HS3ST3A1: variants seen among roughly 807,000 people sequenced by gnomAD.
HS3ST3A1 encodes the protein heparan sulfate-glucosamine 3-sulfotransferase 3A1, also known as heparan sulfate glucosamine 3-O-sulfotransferase 3A1.
HS3ST3A1 carries 19 observed loss-of-function variants against 25.7 expected under a neutral mutation model. The ratio of observed to expected loss-of-function variants is 0.74; its 90% CI spans 0.52 to 1.08. The LOEUF (loss-of-function observed/expected upper bound fraction) is 1.08. HS3ST3A1 is among the 50% of genes least tolerant of loss of function. The probability of loss-of-function intolerance (pLI) is 0.00; values close to 1 mark genes in which losing one functional copy is unlikely to be tolerated. For synonymous variants in HS3ST3A1, 226 were observed against 278.6 expected (o/e 0.81, Z 1.88); for missense variants, 459 against 594.3 (o/e 0.77, Z 2.37).
At chr17:13,513,136 T>G (rs377716598) in intron 1 of HS3ST3A1, among the ~76,000 whole-genome samples, 2 of 152,100 alleles carry the variant, frequency 1.3e-5, no homozygotes. Context: ...AGCTAAGTCA[T>G]GGTGAAGGAA....
At chr17:13,501,735 A>G (rs887389120) in intron 1 of HS3ST3A1, among the ~76,000 whole-genome samples, 1 of 152,218 alleles carries the variant, frequency 6.6e-6, no homozygotes, top group African/African-American at 2.4e-5. Context: ...CAGGGAATAC[A>G]TGGAAGCACT....
chr17:13,594,931 C>T (rs1289040620), intron 1 of HS3ST3A1, among the ~76,000 whole-genome samples: 2 of 152,176 alleles, frequency 1.3e-5, no homozygotes, highest in Non-Finnish European at 2.9e-5. Context: ...TTTAGGGGTT[C>T]CTTCCTGACT....
In HS3ST3A1 at chr17:13,524,027, C is replaced by T. The variant is rs76435395; in HGVS notation, c.600-27209G>A. Among the ~76,000 whole-genome samples the T allele has an allele frequency of 5.4e-3, 822 of 152,228 alleles. 8 individuals are homozygous for T. Among genetic ancestry groups the T allele is most frequent in the African/African-American group, 0.019 (782 of 41,528 alleles). On this transcript the variant is annotated intron_variant, in intron 1 of 1. Transcript: ENST00000284110. Reference sequence around the variant, plus strand: ...ATATAGTGTTATCATTTGGCTCTTACATACATGGTCTTTAGCTGCATGTTT... The same window carrying T: ...ATATAGTGTTATCATTTGGCTCTTATATACATGGTCTTTAGCTGCATGTTT...
chr17:13,499,444 T>C (rs544103280), intron 1 of HS3ST3A1, among the ~76,000 whole-genome samples: 2 of 152,330 alleles, frequency 1.3e-5, no homozygotes, highest in South Asian at 4.1e-4. Context: ...GAAAGAGTAT[T>C]TATAGATTTT....
chr17:13,503,473 A>T lies in HS3ST3A1; in HGVS notation c.600-6655T>A, dbSNP rs116641979. Among the ~76,000 whole-genome samples the T allele has an allele frequency of 2.9e-3, 436 of 152,300 alleles. 3 individuals carry two copies. The highest frequency in any genetic ancestry group is 0.01 in the African/African-American group (419 of 41,556). ...TAAAAAGTAATAAATGTTTGAGGTG[A>T]TGGATATGCTAACTACCCTGCTTTA... On this transcript the variant is annotated intron_variant, in intron 1 of 1. Coordinates refer to ENST00000284110, the MANE Select transcript of HS3ST3A1 (RefSeq NM_006042.3).
At chr17:13,569,438 T>C (rs1907750077) in intron 1 of HS3ST3A1, among the ~76,000 whole-genome samples, 1 of 152,170 alleles carries the variant, frequency 6.6e-6, no homozygotes, top group African/African-American at 2.4e-5. Context: ...TGGCACCATA[T>C]TATGTGAACA....
intron 1 of HS3ST3A1, among the ~76,000 whole-genome samples, chr17:13,512,571 G>T (rs1211295893): frequency 3.3e-5 from 5 of 152,108 alleles, no homozygotes; most frequent in African/African-American, 9.7e-5. Context: ...CCTCTCGGCA[G>T]CTTTTGAACC....
chr17:13,506,689 C>T (rs1270452241), intron 1 of HS3ST3A1, among the ~76,000 whole-genome samples: 2 of 152,178 alleles, frequency 1.3e-5, no homozygotes, highest in Non-Finnish European at 2.9e-5. Flanking sequence ...TCACTATATT[C>T]CACAAGGCAT....
chr17:13,547,402 C>A (rs1487379661), intron 1 of HS3ST3A1, among the ~76,000 whole-genome samples: 1 of 152,126 alleles, frequency 6.6e-6, no homozygotes, highest in African/African-American at 2.4e-5. Context: ...CTTTTAGCCT[C>A]ACCCTACAAC....
chr17:13,524,369 T>C lies in HS3ST3A1; in HGVS notation c.600-27551A>G, dbSNP rs184770003. Among the ~76,000 whole-genome samples the C allele has an allele frequency of 7.2e-5, 11 of 152,186 alleles. No homozygotes were observed. The East Asian group carries it at 2.1e-3, about 29-fold the overall frequency. On this transcript the variant is annotated intron_variant, in intron 1 of 1. Coordinates refer to ENST00000284110, the MANE Select transcript of HS3ST3A1 (RefSeq NM_006042.3). Reference sequence around the variant, plus strand: ...AGCTCCAGGGCTCAAGCGATCCTCCTGAGTCAGCCTCCTGAGTAGCTGAGA... The same window carrying C: ...AGCTCCAGGGCTCAAGCGATCCTCCCGAGTCAGCCTCCTGAGTAGCTGAGA...
intron 1 of HS3ST3A1, among the ~76,000 whole-genome samples, chr17:13,586,871 CAAAAAAA>C (rs57580843): frequency 8.3e-4 from 37 of 44,700 alleles, no homozygotes; most frequent in South Asian, 4.2e-3. Flanking sequence ...CTCTGTCTCA[CAAAAAAA>C]AAAAAAAAAA....
At chr17:13,592,042 C>T (rs772594092) in intron 1 of HS3ST3A1, among the ~76,000 whole-genome samples, 1 of 152,152 alleles carries the variant, frequency 6.6e-6, no homozygotes, top group Non-Finnish European at 1.5e-5. Flanking sequence ...GCCTTTCAAT[C>T]CCCTGCATCT....
rs911289413 is a variant in HS3ST3A1 at position 13,495,231 on chromosome 17, C to T, written c.*966G>A. On this transcript the variant is annotated 3_prime_UTR_variant, in exon 2 of 2. Coordinates refer to ENST00000284110, the MANE Select transcript of HS3ST3A1 (RefSeq NM_006042.3). ...TGCTACCCCTAGTGTGGCTGGCCAC[C>T]TTGTCCTCCATGCAAGAATCCAATA... 7.9e-5 allele frequency among the ~76,000 whole-genome samples: 12 copies of T among 152,016 alleles called. No individual in the cohort carries two copies. Among genetic ancestry groups the T allele is most frequent in the African/African-American group, 1.2e-4 (5 of 41,400 alleles).
At chr17:13,587,242 T>C (rs1399613151) in intron 1 of HS3ST3A1, among the ~76,000 whole-genome samples, 1 of 151,930 alleles carries the variant, frequency 6.6e-6, no homozygotes, top group Non-Finnish European at 1.5e-5. Context: ...GATCACGAGG[T>C]CAGGAGATCG....
intron 1 of HS3ST3A1, among the ~76,000 whole-genome samples, chr17:13,577,474 G>A (rs531452381): frequency 1.3e-5 from 2 of 152,264 alleles, no homozygotes; most frequent in East Asian, 1.9e-4. Flanking sequence ...AAGGAAACCA[G>A]TACAGCTAAC....
At chr17:13,527,850 C>T (rs929335028) in intron 1 of HS3ST3A1, among the ~76,000 whole-genome samples, 1 of 152,126 alleles carries the variant, frequency 6.6e-6, no homozygotes, top group Non-Finnish European at 1.5e-5. Flanking sequence ...TCACAAAAGG[C>T]TAATATTTAA....
chr17:13,542,319 ACT>A (rs1185486783), intron 1 of HS3ST3A1, among the ~76,000 whole-genome samples: 1 of 112,936 alleles, frequency 8.9e-6, no homozygotes, highest in Non-Finnish European at 1.8e-5. Flanking sequence ...ACAGAGCGAG[ACT>A]CTGTTTCCAA....
At chr17:13,543,202 A>G (rs1483320517) in intron 1 of HS3ST3A1, among the ~76,000 whole-genome samples, 1 of 152,164 alleles carries the variant, frequency 6.6e-6, no homozygotes, top group African/African-American at 2.4e-5. Flanking sequence ...ACCCCAATTT[A>G]TAGCCAGATA....
intron 1 of HS3ST3A1, among the ~76,000 whole-genome samples, chr17:13,587,565 C>A (rs1204559218): frequency 6.6e-6 from 1 of 152,170 alleles, no homozygotes; most frequent in Non-Finnish European, 1.5e-5. Flanking sequence ...TGTTTCAGTG[C>A]AGAAGTCAGG....
Sources: gnomAD v4.1 joint callset for allele counts (sites outside exome capture counted in the v4.1 genomes callset) on GRCh38, gnomAD v4.1.1 for gene constraint, MANE v1.5 for transcripts, NCBI Gene and HGNC (gene_info 2026-07-23, HGNC 2026-07-21) for gene names.